The following MRPL14 variants were observed in gnomAD, a reference collection of about 807,000 sequenced individuals.
MRPL14 encodes mitochondrial ribosomal protein L14, also known as large ribosomal subunit protein uL14m.
In MRPL14, 8 loss-of-function variants were observed where a neutral mutation model predicts 10.9. The observed-to-expected ratio is 0.74, with a 90% CI of 0.43 to 1.33. MRPL14 has a LOEUF of 1.33. Ranked by LOEUF, MRPL14 falls within the 40% of genes most tolerant of loss-of-function variation. The pLI, the probability that MRPL14 is intolerant of heterozygous loss-of-function variation, is 0.01. For missense variants in MRPL14, 179 were observed against 194.5 expected, an observed-to-expected ratio of 0.92 and a Z score of 0.47; for synonymous variants, 82 against 74.1, an observed-to-expected ratio of 1.11 and a Z score of -0.54.
intron 2 of MRPL14, among the ~76,000 whole-genome samples, 153 bp from the exon 3 acceptor site, chr6:44,114,362 T>C (rs528429515): frequency 6.6e-6 from 1 of 152,350 alleles, no homozygotes; most frequent in South Asian, 2.1e-4. Context: ...GTCAGGACTT[T>C]GTGAAGACTT....
intron 2 of MRPL14, among the ~76,000 whole-genome samples, chr6:44,115,713 C>T (rs1775776268): frequency 1.3e-5 from 2 of 152,160 alleles, no homozygotes; most frequent in African/African-American, 4.8e-5. Context: ...CCTTCTAAGG[C>T]TACACATCCT....
intron 1 of MRPL14, among the ~76,000 whole-genome samples, chr6:44,123,692 C>G (rs1776665697): frequency 1.3e-5 from 2 of 152,178 alleles, no homozygotes. Flanking sequence ...GTTTATATAA[C>G]TTATGCCCCA....
intron 1 of MRPL14, among the ~76,000 whole-genome samples, chr6:44,126,630 T>C (rs2128205874): frequency 6.6e-6 from 1 of 151,502 alleles, no homozygotes; most frequent in Admixed American, 6.6e-5. Context: ...GTCCGTCTCT[T>C]ACGGTGGCAA....
At chr6:44,127,007 A>G (rs912217897) in intron 1 of MRPL14, 2 of 152,268 alleles carry the variant, frequency 1.3e-5, no homozygotes, top group African/African-American at 4.8e-5. Flanking sequence ...GACGCTCCGG[A>G]GTGACCAGCG....
intron 1 of MRPL14, among the ~76,000 whole-genome samples, chr6:44,123,317 T>A (rs891658672): frequency 5.9e-5 from 9 of 152,156 alleles, no homozygotes; most frequent in African/African-American, 2.2e-4. Flanking sequence ...TGCACAATAT[T>A]TGCACAGTGA....
intron 1 of MRPL14, among the ~76,000 whole-genome samples, chr6:44,123,700 C>CCA (rs1287045146): frequency 6.6e-6 from 1 of 152,144 alleles, no homozygotes; most frequent in Non-Finnish European, 1.5e-5. Context: ...AACTTATGCC[C>CCA]CACCTTGTTG....
At chr6:44,120,539 G>A (rs990530788) in intron 1 of MRPL14, among the ~76,000 whole-genome samples, 5 of 152,098 alleles carry the variant, frequency 3.3e-5, no homozygotes, top group African/African-American at 9.7e-5. Flanking sequence ...TGATATTGAC[G>A]TCTAGACCTA....
intron 1 of MRPL14, among the ~76,000 whole-genome samples, chr6:44,124,084 A>C (rs1776702730): frequency 6.6e-6 from 1 of 152,244 alleles, no homozygotes; most frequent in Non-Finnish European, 1.5e-5. Context: ...AAGTCAAAGT[A>C]AAATTCTACT....
chr6:44,126,242 G>C (rs1777028640), intron 1 of MRPL14, among the ~76,000 whole-genome samples: 1 of 152,204 alleles, frequency 6.6e-6, no homozygotes, highest in Non-Finnish European at 1.5e-5. Context: ...TCACACGTGT[G>C]TGTACACCTG....
chr6:44,127,152 TCCCCTCCCCGTCGGGACC>T (rs200026840), intron 1 of MRPL14, 174 bp downstream of exon 1: 20,267 of 108,806 alleles, frequency 0.19, 1,646 homozygotes, highest in Middle Eastern at 0.27. Context: ...GTAAGGGGCC[TCCCCTCCCCGTCGGGACC>T]CCCCTCCCCG....
At chr6:44,119,401 G>A (rs755558893) in intron 1 of MRPL14, among the ~76,000 whole-genome samples, 5 of 151,932 alleles carry the variant, frequency 3.3e-5, no homozygotes, top group African/African-American at 9.7e-5. Flanking sequence ...GGTGGCGGCC[G>A]CCTGTAGTCC....
At chr6:44,116,073 G>A (rs1323835088) in intron 2 of MRPL14, among the ~76,000 whole-genome samples, 4 of 152,228 alleles carry the variant, frequency 2.6e-5, no homozygotes, top group Non-Finnish European at 5.9e-5. Flanking sequence ...GGGCATGACG[G>A]GGCCAGGAGG....
chr6:44,118,730 C>T (rs1021592238), intron 1 of MRPL14, among the ~76,000 whole-genome samples: 17 of 152,224 alleles, frequency 1.1e-4, no homozygotes, highest in Admixed American at 5.2e-4. Flanking sequence ...TTTGGGAGGC[C>T]GAGGTGGGCA....
intron 1 of MRPL14, 176 bp downstream of exon 1, chr6:44,127,168 A>ACCCCCCTCCCCGTCGGGGCC (rs1562105829): frequency 5.0e-5 from 4 of 79,410 alleles, no homozygotes; most frequent in Admixed American, 2.2e-4. Context: ...CCCCGTCGGG[A>ACCCCCCTCCCCGTCGGGGCC]CCCCCCTCCC....
chr6:44,122,087 C>T lies in MRPL14; in HGVS notation c.-19+5257G>A, dbSNP rs556013139. On this transcript the variant is annotated intron_variant, in intron 1 of 2. Coordinates refer to ENST00000372014, the MANE Select transcript of MRPL14 (RefSeq NM_032111.4). ...TAGGCACAGAGAGCTCTTCCCCCCC[C>T]TCTTTTTTTTTTGGAGACGGAGTCC... Among the ~76,000 whole-genome samples, 27 of 147,558 alleles carry T rather than the reference C, an allele frequency of 1.8e-4. No individual in the cohort carries two copies. The South Asian group carries it at 5.2e-3, about 28-fold the overall frequency.
At chr6:44,118,687 G>C (rs747705035) in intron 1 of MRPL14, among the ~76,000 whole-genome samples, 1 of 152,146 alleles carries the variant, frequency 6.6e-6, no homozygotes, top group Non-Finnish European at 1.5e-5. Flanking sequence ...CCTCATGGCC[G>C]GGCACGGTGG....
In MRPL14 at chr6:44,114,085, C is replaced by A; in HGVS notation, c.196G>T (p.Val66Leu). The change falls in exon 3 of 3, where the codon GTG (valine) becomes TTG (leucine). Residue 66 changes from valine to leucine, a missense_variant. Transcript: ENST00000372014. ...AGTATCTGGTCGCCCACCTTGCCCACTCCATTCTTCTTATAGACATGGATG... is the reference window on the plus strand; with the variant it reads ...AGTATCTGGTCGCCCACCTTGCCCAATCCATTCTTCTTATAGACATGGATG... ...RCIHVYKKNG[V>L]GKVGDQILLA... 6.2e-7 allele frequency: 1 copy of A among 1,614,234 alleles called. No homozygotes were observed. Among genetic ancestry groups the A allele is most frequent in the South Asian group, 1.1e-5 (1 of 91,084 alleles).
chr6:44,119,296 G>A (rs1297108474), intron 1 of MRPL14, among the ~76,000 whole-genome samples: 1 of 152,240 alleles, frequency 6.6e-6, no homozygotes, highest in African/African-American at 2.4e-5. Flanking sequence ...GCCAAGGCAG[G>A]CGGATCACTT....
chr6:44,114,269 C>A, intron 2 of MRPL14, 60 bp from the exon 3 acceptor site: 1 of 1,541,292 alleles, frequency 6.5e-7, no homozygotes, highest in Non-Finnish European at 8.7e-7. Context: ...GGTGCACAGG[C>A]CTCTGAGAGG....
Sources: gnomAD v4.1 joint callset for allele counts (sites outside exome capture counted in the v4.1 genomes callset) on GRCh38, gnomAD v4.1.1 for gene constraint, MANE v1.5 for transcripts, NCBI Gene and HGNC (gene_info 2026-07-23, HGNC 2026-07-21) for gene names.